The following JARID2 variants were observed in gnomAD, a reference collection of about 807,000 sequenced individuals.
The protein encoded by JARID2 is protein Jumonji.
Under a neutral mutation model 125.6 loss-of-function variants are expected in JARID2, and 21 were observed. That is an observed-to-expected ratio of 0.17 (90% CI 0.12 to 0.24). JARID2 has a LOEUF of 0.24. JARID2 is among the 10% of genes least tolerant of loss of function. JARID2 has a pLI of 1.00. For missense variants in JARID2, 1,303 were observed against 1,639.6 expected (o/e 0.79, Z 3.55); for synonymous variants, 736 against 661.6 (o/e 1.11, Z -1.73).
chr6:15,252,450 C>T (rs190671123), intron 1 of JARID2, among the ~76,000 whole-genome samples: 1 of 152,276 alleles, frequency 6.6e-6, no homozygotes, highest in East Asian at 1.9e-4. Context: ...TCCCTGTCTG[C>T]TTCATGCCAT....
At chr6:15,368,199 A>C (rs1432756364) in intron 1 of JARID2, among the ~76,000 whole-genome samples, 3 of 152,172 alleles carry the variant, frequency 2.0e-5, no homozygotes, top group Non-Finnish European at 4.4e-5. Context: ...ATGCACACAT[A>C]GCTTTCTGTC....
At chr6:15,352,933 A>G (rs538368108) in intron 1 of JARID2, among the ~76,000 whole-genome samples, 1 of 152,320 alleles carries the variant, frequency 6.6e-6, no homozygotes, top group African/African-American at 2.4e-5. Context: ...GATATGTCCC[A>G]TTTTATGCAT....
Position 15,279,729 on chromosome 6 carries a change from T to C in JARID2, c.45+33145T>C, listed in dbSNP as rs140869493. Among the ~76,000 whole-genome samples, 1,337 of 152,332 alleles carry C rather than the reference T, an allele frequency of 8.8e-3. 18 individuals are homozygous for C. The highest frequency in any genetic ancestry group is 9.5e-3 in the Non-Finnish European group (643 of 68,028). On this transcript the variant is annotated intron_variant, in intron 1 of 17. Transcript: ENST00000341776. ...GCACTACCCTCTAATCTCCCTACTG[T>C]TGTCATAGTTTTCTTTCTTTGAAAA...
chr6:15,420,521 A>G (rs1381262300), intron 3 of JARID2, among the ~76,000 whole-genome samples: 3 of 152,084 alleles, frequency 2.0e-5, no homozygotes, highest in Admixed American at 2.0e-4. Flanking sequence ...ATTTGAGTAT[A>G]TGTGCTATTT....
chr6:15,319,489 C>T (rs927062619), intron 1 of JARID2, among the ~76,000 whole-genome samples: 3 of 152,102 alleles, frequency 2.0e-5, no homozygotes, highest in African/African-American at 7.2e-5. Context: ...CCTCTGCCTC[C>T]CGTGTTCAAG....
In JARID2 at chr6:15,333,456, T is replaced by A. The variant is rs919638330; in HGVS notation, c.46-40661T>A. 2.0e-5 allele frequency among the ~76,000 whole-genome samples: 3 copies of A among 152,358 alleles called. No individual in the cohort carries two copies. The South Asian group carries it at 6.2e-4, about 32-fold the overall frequency. On this transcript the variant is annotated intron_variant, in intron 1 of 17. Coordinates refer to ENST00000341776, the MANE Select transcript of JARID2 (RefSeq NM_004973.4). The stretch of plus-strand genomic sequence containing the variant: ...TTCATATAAATGGAATCATATGCTA[T>A]GTGGCCATACGTGTATGGCGTCTTT...
intron 5 of JARID2, among the ~76,000 whole-genome samples, chr6:15,480,234 C>G (rs1008153693): frequency 6.6e-6 from 1 of 152,078 alleles, no homozygotes; most frequent in Non-Finnish European, 1.5e-5. Context: ...TTAGTTCGGT[C>G]CCATCTTCAG....
chr6:15,321,000 G>C (rs914094441), intron 1 of JARID2, among the ~76,000 whole-genome samples: 2 of 151,932 alleles, frequency 1.3e-5, no homozygotes, highest in Non-Finnish European at 2.9e-5. Context: ...TTTGGGGATG[G>C]GAGGCGGTGT....
At chr6:15,503,913 C>A (rs74878090) in intron 8 of JARID2, among the ~76,000 whole-genome samples, 2 of 152,198 alleles carry the variant, frequency 1.3e-5, no homozygotes, top group Admixed American at 1.3e-4. Flanking sequence ...AGAGGGGCAT[C>A]GAAGAAGAGG....
At chr6:15,325,200 A>G (rs1762498512) in intron 1 of JARID2, among the ~76,000 whole-genome samples, 1 of 151,714 alleles carries the variant, frequency 6.6e-6, no homozygotes, top group South Asian at 2.1e-4. Flanking sequence ...TACCTGAGGG[A>G]ATTGTGTTGT....
At chr6:15,341,891 A>C (rs997937197) in intron 1 of JARID2, among the ~76,000 whole-genome samples, 8 of 152,182 alleles carry the variant, frequency 5.3e-5, no homozygotes, top group African/African-American at 1.9e-4. Context: ...ATATTCTTTC[A>C]TTATTTCAAT....
chr6:15,514,852 A>G (rs1326216717), intron 16 of JARID2, among the ~76,000 whole-genome samples: 1 of 152,176 alleles, frequency 6.6e-6, no homozygotes, highest in Admixed American at 6.5e-5. Context: ...GGACAAATGC[A>G]GTCCGTGACC....
chr6:15,464,842 A>G (rs1202307459), intron 4 of JARID2, among the ~76,000 whole-genome samples: 1 of 152,182 alleles, frequency 6.6e-6, no homozygotes, highest in African/African-American at 2.4e-5. Flanking sequence ...ATAGAAGCAG[A>G]ATCATCTTCT....
At chr6:15,289,557 A>T (rs2127392766) in intron 1 of JARID2, among the ~76,000 whole-genome samples, 1 of 152,278 alleles carries the variant, frequency 6.6e-6, no homozygotes, top group East Asian at 1.9e-4. Context: ...ATTGTAAAAA[A>T]AAAAAACCAT....
At chr6:15,303,498 CTT>C (rs1561781362) in intron 1 of JARID2, among the ~76,000 whole-genome samples, 1 of 152,250 alleles carries the variant, frequency 6.6e-6, no homozygotes, top group Non-Finnish European at 1.5e-5. Flanking sequence ...TTGGTGGGTG[CTT>C]TTTAAGCCTT....
intron 6 of JARID2, among the ~76,000 whole-genome samples, chr6:15,495,265 G>A (rs1016595663): frequency 1.3e-5 from 2 of 152,128 alleles, no homozygotes; most frequent in African/African-American, 2.4e-5. Flanking sequence ...AGATTACCAC[G>A]GCGTCCAAGC....
intron 2 of JARID2, 100 bp downstream of exon 2, chr6:15,374,352 C>A: frequency 7.8e-7 from 1 of 1,276,960 alleles, no homozygotes; most frequent in South Asian, 1.3e-5. Flanking sequence ...GCTTCCTGGT[C>A]TAGGCACCTA....
Position 15,344,164 on chromosome 6 carries a change from T to C in JARID2, c.46-29953T>C, listed in dbSNP as rs1026565866. On this transcript the variant is annotated intron_variant, in intron 1 of 17. Transcript: ENST00000341776. ...CCAAGGGTGGCTGTGAAACTTACTT[T>C]CGTGGTAGTGGTGGACCCTTGAAGC... is the stretch of plus-strand genomic sequence containing the variant. Among the ~76,000 whole-genome samples, 4 of 148,070 alleles carry C rather than the reference T, an allele frequency of 2.7e-5. No homozygotes were observed. The East Asian group carries it at 7.9e-4, about 29-fold the overall frequency.
intron 1 of JARID2, among the ~76,000 whole-genome samples, chr6:15,261,927 C>T (rs759647723): frequency 1.1e-4 from 16 of 151,722 alleles, no homozygotes; most frequent in East Asian, 2.0e-4. Flanking sequence ...ACTACAGGCG[C>T]GCGCCACCAT....
Sources: allele counts gnomAD v4.1 joint callset (sites outside exome capture counted in the v4.1 genomes callset), GRCh38; gene constraint gnomAD v4.1.1; transcripts MANE v1.5; gene names NCBI Gene and HGNC (gene_info 2026-07-23, HGNC 2026-07-21).